Variants in FRAS1 observed in about 807,000 individuals in gnomAD.
FRAS1 encodes Fraser extracellular matrix complex subunit 1, also known as extracellular matrix organizing protein FRAS1.
FRAS1 carries 290 observed loss-of-function variants against 435.2 expected under a neutral mutation model. That is an observed-to-expected ratio of 0.67 (90% confidence interval 0.61 to 0.73). FRAS1 has a LOEUF of 0.73. FRAS1 is among the 30% of genes least tolerant of loss of function. FRAS1 has a pLI of 0.00. For synonymous variants in FRAS1, 1,800 were observed against 1,851.0 expected, an observed-to-expected ratio of 0.97 and a Z score of 0.71; for missense variants, 4,860 against 5,001.5, an observed-to-expected ratio of 0.97 and a Z score of 0.85.
intron 52 of FRAS1, among the ~76,000 whole-genome samples, chr4:78,473,193 A>G (rs189423179): frequency 3.5e-4 from 54 of 152,310 alleles, no homozygotes; most frequent in South Asian, 1.0e-3. Flanking sequence ...ATTTTATAAC[A>G]GCATAAGAGA....
chr4:78,191,024 A>T (rs1722508899), intron 2 of FRAS1, among the ~76,000 whole-genome samples: 1 of 152,192 alleles, frequency 6.6e-6, no homozygotes. Flanking sequence ...ATACGTGCAC[A>T]CTGAAAAACA....
intron 30 of FRAS1, among the ~76,000 whole-genome samples, chr4:78,403,261 C>T (rs930709780): frequency 5.3e-5 from 8 of 152,030 alleles, no homozygotes; most frequent in Non-Finnish European, 8.8e-5. Flanking sequence ...AACAAAACAA[C>T]GCTGAATTAA....
chr4:78,065,081 T>TATATATATATATATATATATACACAC lies in FRAS1; in HGVS notation c.77-901_77-900insTATATATATATATATATACACACATA, dbSNP rs762909923. Among the ~76,000 whole-genome samples the TATATATATATATATATATATACACAC allele has an allele frequency of 7.2e-5, 9 of 125,688 alleles. No individual in the cohort carries two copies. In the East Asian group the frequency reaches 9.1e-4, roughly 13 times the overall value. 82.5% of individuals were successfully genotyped at this position (125,688 alleles called of 152,430 possible). ...GTGTATATATATATATATATATATA[T>TATATATATATATATATATATACACAC]ATACATACACACACACACACTAAAT... On this transcript the variant is annotated intron_variant, in intron 1 of 73. Coordinates refer to ENST00000512123, the MANE Select transcript of FRAS1 (RefSeq NM_025074.7).
At chr4:78,517,065 T>C (rs1721235043) in intron 66 of FRAS1, among the ~76,000 whole-genome samples, 1 of 152,256 alleles carries the variant, frequency 6.6e-6, no homozygotes, top group Non-Finnish European at 1.5e-5. Flanking sequence ...AGCAGTTATC[T>C]CAATGAGCTA....
At chr4:78,194,178 G>A (rs1007146055) in intron 2 of FRAS1, among the ~76,000 whole-genome samples, 79 of 152,302 alleles carry the variant, frequency 5.2e-4, no homozygotes, top group African/African-American at 1.8e-3. Flanking sequence ...TGGGTAACCC[G>A]ACCTTTCTCT....
intron 19 of FRAS1, among the ~76,000 whole-genome samples, chr4:78,335,208 A>C (rs1410270214): frequency 6.6e-6 from 1 of 152,148 alleles, no homozygotes; most frequent in African/African-American, 2.4e-5. Flanking sequence ...GCTTAAGACA[A>C]CAATTGTTAT....
intron 38 of FRAS1, among the ~76,000 whole-genome samples, chr4:78,437,252 A>C (rs1022058843): frequency 5.3e-5 from 8 of 152,212 alleles, no homozygotes; most frequent in African/African-American, 1.7e-4. Flanking sequence ...TCTAACTAGG[A>C]GCCAGGAGCT....
intron 72 of FRAS1, among the ~76,000 whole-genome samples, chr4:78,538,804 A>T (rs1721961139): frequency 6.6e-6 from 1 of 152,012 alleles, no homozygotes; most frequent in East Asian, 1.9e-4. Context: ...AATACAAAAA[A>T]ATTAGCCTGG....
At chr4:78,325,382 T>A (rs1259242122) in intron 18 of FRAS1, among the ~76,000 whole-genome samples, 1 of 152,234 alleles carries the variant, frequency 6.6e-6, no homozygotes, top group East Asian at 1.9e-4. Context: ...ACCAAAGGCC[T>A]CAAGGCAAAG....
chr4:78,299,852 A>T (rs1165593554), intron 14 of FRAS1, among the ~76,000 whole-genome samples: 1 of 152,174 alleles, frequency 6.6e-6, no homozygotes, highest in Non-Finnish European at 1.5e-5. Context: ...GCACAATGTC[A>T]CCAGTGCACC....
chr4:78,315,539 C>G (rs1024134908), intron 15 of FRAS1, 55 bp from the exon 16 acceptor site: 14 of 1,541,756 alleles, frequency 9.1e-6, no homozygotes, highest in African/African-American at 8.3e-5. Flanking sequence ...ATAGACTTCA[C>G]TGCTTCTTTT....
intron 2 of FRAS1, among the ~76,000 whole-genome samples, chr4:78,079,350 A>G (rs559236963): frequency 5.3e-5 from 8 of 152,270 alleles, no homozygotes; most frequent in African/African-American, 1.9e-4. Context: ...CCAAGAATGG[A>G]CCAGATAGAT....
intron 25 of FRAS1, among the ~76,000 whole-genome samples, chr4:78,374,921 A>G (rs543668819): frequency 1.3e-5 from 2 of 152,308 alleles, no homozygotes; most frequent in Non-Finnish European, 2.9e-5. Flanking sequence ...TATCACAGAC[A>G]CTATGAATCC....
In FRAS1 at chr4:78,058,103, CGTGT is replaced by C. The variant is rs71214392; in HGVS notation, c.76+32_76+35del. On this transcript the variant is annotated intron_variant, in intron 1 of 73. Transcript: ENST00000512123. ...TTCCGAAGGTGAGAGAGCGGTGCCG[CGTGT>C]GTGTGTGTGTGTGCGTGTGCGTGTG... 186 of 1,525,746 alleles carry C rather than the reference CGTGT, an allele frequency of 1.2e-4. No individual in the cohort carries two copies. Among genetic ancestry groups the C allele is most frequent in the African/African-American group, 1.8e-4 (13 of 72,334 alleles). 94.5% of individuals were successfully genotyped at this position (1,525,746 alleles called of 1,614,324 possible). A position where few individuals can be genotyped will look rare whatever the true frequency, so the allele number is the denominator to read the frequency against.
chr4:78,288,154 G>T (rs1285237305), intron 14 of FRAS1, among the ~76,000 whole-genome samples: 2 of 152,184 alleles, frequency 1.3e-5, no homozygotes, highest in Non-Finnish European at 2.9e-5. Flanking sequence ...CAGTTTACCT[G>T]TTACTTTAAA....
At chr4:78,250,282 A>G (rs1176027775) in intron 4 of FRAS1, among the ~76,000 whole-genome samples, 1 of 152,204 alleles carries the variant, frequency 6.6e-6, no homozygotes, top group Non-Finnish European at 1.5e-5. Context: ...CAGTGGAGAT[A>G]GATAATACAT....
chr4:78,276,689 G>A (rs945344373), intron 9 of FRAS1, among the ~76,000 whole-genome samples: 1 of 152,192 alleles, frequency 6.6e-6, no homozygotes, highest in African/African-American at 2.4e-5. Flanking sequence ...TTGTCTCAGA[G>A]GGGCACCCGG....
chr4:78,315,043 A>G (rs1412746971), intron 15 of FRAS1, among the ~76,000 whole-genome samples: 1 of 152,178 alleles, frequency 6.6e-6, no homozygotes, highest in Middle Eastern at 3.2e-3. Flanking sequence ...CACAGACCTT[A>G]GCATATGTTT....
At chr4:78,285,240 G>T (rs1041167122) in intron 13 of FRAS1, among the ~76,000 whole-genome samples, 1 of 151,422 alleles carries the variant, frequency 6.6e-6, no homozygotes, top group African/African-American at 2.4e-5. Context: ...CACGCCTGTA[G>T]TCCCAGCTAC....
Sources: allele counts gnomAD v4.1 joint callset (sites outside exome capture counted in the v4.1 genomes callset), GRCh38; gene constraint gnomAD v4.1.1; transcripts MANE v1.5; gene names NCBI Gene and HGNC (gene_info 2026-07-23, HGNC 2026-07-21).